The following COL4A3 variants were observed in gnomAD, a reference collection of about 807,000 sequenced individuals.
COL4A3 encodes collagen type IV alpha 3 chain, also known as collagen alpha-3(IV) chain.
Under a neutral mutation model 217.4 loss-of-function variants are expected in COL4A3, and 135 were observed. That is an observed-to-expected ratio of 0.62 (90% CI 0.54 to 0.72). The LOEUF (loss-of-function observed/expected upper bound fraction) is 0.72, where lower values mean the gene tolerates loss of function less well. COL4A3 is among the 30% of genes least tolerant of loss of function. The pLI is 0.00. For synonymous variants in COL4A3, 690 were observed against 736.3 expected, an observed-to-expected ratio of 0.94 and a Z score of 1.02; for missense variants, 1,868 against 2,119.9, an observed-to-expected ratio of 0.88 and a Z score of 2.33.
At chr2:227,220,877 A>G (rs11678528) in intron 1 of COL4A3, among the ~76,000 whole-genome samples, 106,852 of 152,064 alleles carry the variant, frequency 0.7, 37,823 homozygotes, top group Non-Finnish European at 0.75. Context: ...AGGAGTATTT[A>G]TTACATTATT....
Position 227,311,962 on chromosome 2 carries a change from A to C in COL4A3, c.*92A>C, listed in dbSNP as rs1272005836. 2 of 1,559,824 alleles carry C rather than the reference A, an allele frequency of 1.3e-6. No homozygotes were observed. The highest frequency in any genetic ancestry group is 2.3e-5 in the South Asian group (2 of 85,742). ...TTATTTAGGTATTTTTCTTTAACCA[A>C]ACAATATTGCTCCATGATGACTTAG... On this transcript the variant is annotated 3_prime_UTR_variant, in exon 52 of 52. Transcript: ENST00000396578.
chr2:227,249,230 A>ATATATATATATATTT, intron 9 of COL4A3, among the ~76,000 whole-genome samples: 3 of 14,690 alleles, frequency 2.0e-4, no homozygotes, highest in Non-Finnish European at 3.7e-4. Context: ...ATATATATAT[A>ATATATATATATATTT]TTTTTTTTTT....
In COL4A3 at chr2:227,250,652, G is replaced by A. The variant is rs1471626182; in HGVS notation, c.547-488G>A. Among the ~76,000 whole-genome samples, 2 of 152,196 alleles carry A rather than the reference G, an allele frequency of 1.3e-5. No individual in the cohort carries two copies. Among genetic ancestry groups the A allele is most frequent in the Non-Finnish European group, 2.9e-5 (2 of 68,034 alleles). ...ATAATGCACGAAAGCAGGATAGGAA[G>A]TGTCTGGGTTGGAAGGTGGGTTACA... On this transcript the variant is annotated intron_variant, in intron 9 of 51. Transcript: ENST00000396578. This position sits in a 1 kb window ranked among gnomAD's most constrained non-coding sequence, Gnocchi z 4.1.
intron 11 of COL4A3, 69 bp downstream of exon 11, chr2:227,251,440 C>T (rs2069736319): frequency 1.4e-6 from 2 of 1,471,258 alleles, no homozygotes; most frequent in Admixed American, 1.7e-5. Context: ...ACCTGGTCTG[C>T]TTCTTCATGT....
rs1221178629 is a variant in COL4A3 at position 227,314,305 on chromosome 2, T to C, written c.*2435T>C. On this transcript the variant is annotated 3_prime_UTR_variant, in exon 52 of 52. Coordinates refer to ENST00000396578, the MANE Select transcript of COL4A3 (RefSeq NM_000091.5). ...TGAAGCCATATGAACAGCTGTTCAG[T>C]TGCACTTCTAAGACTTTACTTAGCA... 4 of 152,692 alleles carry C rather than the reference T, an allele frequency of 2.6e-5. No homozygotes were observed. Among genetic ancestry groups the C allele is most frequent in the Non-Finnish European group, 5.9e-5 (4 of 68,048 alleles). The allele number at this position is 152,692 out of a possible 1,614,324, so 9.5% of individuals were successfully genotyped here.
chr2:227,239,847 T>A (rs1042623494), intron 2 of COL4A3, among the ~76,000 whole-genome samples: 1 of 152,204 alleles, frequency 6.6e-6, no homozygotes, highest in African/African-American at 2.4e-5. Flanking sequence ...TTTCATTTTT[T>A]ATTCCGTCTC....
intron 15 of COL4A3, among the ~76,000 whole-genome samples, chr2:227,255,295 C>G (rs1032273577): frequency 2.6e-5 from 4 of 152,096 alleles, no homozygotes; most frequent in African/African-American, 9.7e-5. Flanking sequence ...GGAAATAGGG[C>G]AATCTGTGAC....
Position 227,303,035 on chromosome 2 carries a change from T to C in COL4A3, c.3883-3T>C, listed in dbSNP as rs373227102. The C allele has an allele frequency of 1.9e-6, 3 of 1,597,914 alleles. No individual in the cohort carries two copies. Among genetic ancestry groups the C allele is most frequent in the African/African-American group, 2.7e-5 (2 of 74,636 alleles). On this transcript the variant is annotated splice_region_variant and splice_polypyrimidine_tract_variant and intron_variant, in intron 43 of 51. Transcript: ENST00000396578. ...GGTTCTGCTCCCTTTATTTGAAATA[T>C]AGGGAGCACCAGGTACTCCAGGTCT...
chr2:227,238,254 C>G, intron 2 of COL4A3: 3 of 390,506 alleles, frequency 7.7e-6, no homozygotes, highest in South Asian at 5.8e-5. Flanking sequence ...TTACAACTCT[C>G]TCGGTCTGTA....
intron 23 of COL4A3, chr2:227,268,887 G>A (rs1449612285): frequency 2.0e-5 from 3 of 152,186 alleles, no homozygotes; most frequent in Non-Finnish European, 2.9e-5. Flanking sequence ...TTTGGCTCAA[G>A]GGGAGCAGGT....
At position 227,288,951 on chromosome 2, in the gene COL4A3, GT is replaced by G. The variant is rs200614219; in HGVS notation, c.2882-182del. Among the ~76,000 whole-genome samples the G allele has an allele frequency of 0.17, 22,017 of 133,066 alleles. 1,313 individuals carry two copies. Among genetic ancestry groups the G allele is most frequent in the African/African-American group, 0.21 (7,597 of 35,540 alleles). The allele number at this position is 133,066 out of a possible 152,430, so 87.3% of individuals were successfully genotyped here. On this transcript the variant is annotated intron_variant, in intron 34 of 51. Transcript: ENST00000396578. ...TTTGATGCCTGGTTTTTTGTTTTGG[GT>G]TTTTTTTTTTTTTTTTGAGATGGAG... is the stretch of plus-strand genomic sequence containing the variant.
Position 227,254,731 on chromosome 2 carries a change from C to A in COL4A3, c.888+16C>A. On this transcript the variant is annotated intron_variant, in intron 15 of 51. Coordinates refer to ENST00000396578, the MANE Select transcript of COL4A3 (RefSeq NM_000091.5). ...TGGCCTGCAGGTAAATTTGGAAATT[C>A]GGTGTCATGTGCAGTTTTGATTAGT... The A allele has an allele frequency of 1.3e-6, 2 of 1,599,250 alleles. No homozygotes were observed. The highest frequency in any genetic ancestry group is 2.2e-5 in the South Asian group (2 of 90,746).
At chr2:227,192,357 T>C (rs2066275031) in intron 1 of COL4A3, among the ~76,000 whole-genome samples, 1 of 152,250 alleles carries the variant, frequency 6.6e-6, no homozygotes, top group African/African-American at 2.4e-5. Context: ...TTTGAAATGT[T>C]AGATGTGGTT....
At chr2:227,285,039 A>G (rs2072226836) in intron 34 of COL4A3, among the ~76,000 whole-genome samples, 1 of 152,156 alleles carries the variant, frequency 6.6e-6, no homozygotes, top group Non-Finnish European at 1.5e-5. Flanking sequence ...CTTTAGAAAA[A>G]CAGAGAACTG....
chr2:227,276,514 G>C (rs1021736022), intron 27 of COL4A3, 37 bp downstream of exon 27: 2 of 1,434,270 alleles, frequency 1.4e-6, no homozygotes, highest in Admixed American at 3.3e-5. Context: ...CATGGCATCA[G>C]ACACACACAA....
chr2:227,244,845 G>C, intron 4 of COL4A3, 106 bp from the exon 5 acceptor site: 1 of 1,178,994 alleles, frequency 8.5e-7, no homozygotes, highest in South Asian at 1.2e-5. Context: ...CCCAGTTATA[G>C]TGGAGGAAAA....
chr2:227,302,849 T>G (rs1239151252), intron 43 of COL4A3, among the ~76,000 whole-genome samples, 189 bp from the exon 44 acceptor site: 2 of 152,064 alleles, frequency 1.3e-5, no homozygotes, highest in Admixed American at 1.3e-4. Context: ...AAAACGATAG[T>G]CCTAAGGAAA....
intron 51 of COL4A3, among the ~76,000 whole-genome samples, chr2:227,311,442 C>T (rs528634572): frequency 1.1e-4 from 16 of 151,244 alleles, no homozygotes; most frequent in South Asian, 8.3e-4. Context: ...TGCAGTGGCG[C>T]GACCTGGGCT....
At chr2:227,187,995 C>T (rs2066091936) in intron 1 of COL4A3, among the ~76,000 whole-genome samples, 1 of 152,064 alleles carries the variant, frequency 6.6e-6, no homozygotes, top group Non-Finnish European at 1.5e-5. Flanking sequence ...TCAGCTGTAC[C>T]CAAGAATACA....
Sources: allele counts gnomAD v4.1 joint callset (sites outside exome capture counted in the v4.1 genomes callset), GRCh38; gene constraint gnomAD v4.1.1; non-coding constraint Gnocchi (gnomAD v3.1); transcripts MANE v1.5; gene names NCBI Gene and HGNC (gene_info 2026-07-23, HGNC 2026-07-21).